The following COL6A6 variants were observed in gnomAD, a reference collection of about 807,000 sequenced individuals.
COL6A6 encodes the protein collagen type VI alpha 6 chain, also known as collagen alpha-6(VI) chain.
Under a neutral mutation model 208.6 loss-of-function variants are expected in COL6A6, and 183 were observed. The observed-to-expected ratio is 0.88, with a 90% CI of 0.78 to 0.99. The LOEUF (loss-of-function observed/expected upper bound fraction) is 0.99. Ranked by LOEUF, COL6A6 falls within the 50% of genes least tolerant of loss-of-function variation. COL6A6 has a pLI of 0.00. For missense variants in COL6A6, 2,816 were observed against 2,815.2 expected, an observed-to-expected ratio of 1.00 and a Z score of -0.01; for synonymous variants, 973 against 1,011.8, an observed-to-expected ratio of 0.96 and a Z score of 0.73.
In COL6A6 at chr3:130,592,711, A is replaced by G. The variant is rs748795435; in HGVS notation, c.4360A>G (p.Asn1454Asp). 6.2e-7 allele frequency: 1 copy of G among 1,612,348 alleles called. No homozygotes were observed. Among genetic ancestry groups the G allele is most frequent in the African/African-American group, 1.3e-5 (1 of 74,884 alleles). The change falls in exon 15 of 37, where the codon AAT becomes GAT. Residue 1454 changes from asparagine (N) to aspartate (D), a missense_variant. By Grantham distance (23) the Asn-to-Asp change is conservative (BLOSUM62 1). Transcript: ENST00000358511. ...TKGPKGNRGL[N>D]GQEGEVGENG... ...TTATTTTCAGGGAAACAGAGGACTA[A>G]ATGGACAGGAGGTATGTTACCAGGC...
intron 8 of COL6A6, among the ~76,000 whole-genome samples, chr3:130,576,649 T>G (rs973377772): frequency 8.4e-6 from 1 of 119,696 alleles, no homozygotes; most frequent in Admixed American, 1.0e-4. Flanking sequence ...AGTTATTTTT[T>G]AAATAGTCAT....
At chr3:130,665,165 CCTT>C in intron 36 of COL6A6, 69 bp downstream of exon 36, 1 of 1,022,584 alleles carries the variant, frequency 9.8e-7, no homozygotes, top group Non-Finnish European at 1.4e-6. Flanking sequence ...TCCTCCTCCT[CCTT>C]TTCTTGCTTT....
intron 20 of COL6A6, among the ~76,000 whole-genome samples, chr3:130,602,079 A>G (rs1263052718): frequency 6.6e-6 from 1 of 152,244 alleles, no homozygotes; most frequent in Non-Finnish European, 1.5e-5. Flanking sequence ...TTCCACTTTT[A>G]TTATGTACAA....
chr3:130,591,905 A>C (rs569512267), intron 13 of COL6A6, among the ~76,000 whole-genome samples: 15 of 152,206 alleles, frequency 9.9e-5, no homozygotes, highest in Non-Finnish European at 2.1e-4. Flanking sequence ...GAATTTCTAC[A>C]GGCAAAGTTT....
intron 1 of COL6A6, among the ~76,000 whole-genome samples, chr3:130,536,062 GA>G (rs1422993144): frequency 1.3e-5 from 2 of 152,150 alleles, no homozygotes; most frequent in Non-Finnish European, 2.9e-5. Context: ...CCAGGCCAGT[GA>G]GCCAAATTTT....
In COL6A6 at chr3:130,565,630, G is replaced by GA. The variant is rs1184162201; in HGVS notation, c.1282+19dup. On this transcript the variant is annotated intron_variant, in intron 4 of 36. Transcript: ENST00000358511. ...CTCAAATCTGGTAAGGTCTTCTGCT[G>GA]AAAGAAGGGTTGTTTGGATTCTTTT... The GA allele has an allele frequency of 6.3e-7, 1 of 1,591,732 alleles. No homozygotes were observed. Among genetic ancestry groups the GA allele is most frequent in the East Asian group, 2.2e-5 (1 of 44,578 alleles).
Position 130,676,808 on chromosome 3 carries a change from GAATA to G in COL6A6, c.*1414_*1417del, listed in dbSNP as rs2066369572. 6.6e-6 allele frequency: 1 copy of G among 152,210 alleles called. No individual in the cohort carries two copies. The highest frequency in any genetic ancestry group is 6.5e-5 in the Admixed American group (1 of 15,284). 9.4% of individuals were successfully genotyped at this position (152,210 alleles called of 1,614,324 possible). ...ACATTCATACTCAGGTAATAGAGAA[GAATA>G]AAACACATCAGGTTTGCTTCATCTA... On this transcript the variant is annotated 3_prime_UTR_variant, in exon 37 of 37. Transcript: ENST00000358511.
intron 1 of COL6A6, among the ~76,000 whole-genome samples, chr3:130,558,615 G>T (rs1005279062): frequency 1.3e-5 from 2 of 152,036 alleles, no homozygotes; most frequent in Non-Finnish European, 2.9e-5. Context: ...ACTCAATACC[G>T]ATTTCTTCCC....
At chr3:130,521,009 T>C (rs1711039333) in intron 1 of COL6A6, among the ~76,000 whole-genome samples, 1 of 152,162 alleles carries the variant, frequency 6.6e-6, no homozygotes, top group Non-Finnish European at 1.5e-5. Flanking sequence ...CAAACCAACT[T>C]AGTCTTGCAA....
At chr3:130,623,364 A>G (rs1440544242) in intron 24 of COL6A6, among the ~76,000 whole-genome samples, 1 of 152,152 alleles carries the variant, frequency 6.6e-6, no homozygotes, top group Non-Finnish European at 1.5e-5. Flanking sequence ...AGGCTAAGAC[A>G]GAGAGAATTG....
chr3:130,559,932 T>C (rs2062843644), intron 1 of COL6A6, among the ~76,000 whole-genome samples: 1 of 152,182 alleles, frequency 6.6e-6, no homozygotes, highest in African/African-American at 2.4e-5. Context: ...ACCTACATAT[T>C]CATGATGGCG....
chr3:130,570,508 T>A (rs2063136596), intron 6 of COL6A6, among the ~76,000 whole-genome samples: 1 of 152,214 alleles, frequency 6.6e-6, no homozygotes, highest in Non-Finnish European at 1.5e-5. Context: ...AGAATTGATT[T>A]TTTTAGTCCA....
chr3:130,662,394 TG>T, intron 35 of COL6A6, 86 bp downstream of exon 35: 1 of 1,303,882 alleles, frequency 7.7e-7, no homozygotes, highest in Non-Finnish European at 1.1e-6. Flanking sequence ...CATGGATACT[TG>T]GAAACCTCTT....
At chr3:130,669,176 C>T (rs1308544011) in intron 36 of COL6A6, among the ~76,000 whole-genome samples, 1 of 152,166 alleles carries the variant, frequency 6.6e-6, no homozygotes, top group African/African-American at 2.4e-5. Flanking sequence ...GGGTGAATCA[C>T]CTGAGGTCAG....
At chr3:130,552,444 T>G (rs898411927) in intron 1 of COL6A6, among the ~76,000 whole-genome samples, 17 of 152,230 alleles carry the variant, frequency 1.1e-4, no homozygotes, top group African/African-American at 3.9e-4. Flanking sequence ...TGTCTAAAAT[T>G]AGAATAGCAA....
At chr3:130,533,686 A>G (rs1192896566) in intron 1 of COL6A6, among the ~76,000 whole-genome samples, 4 of 152,046 alleles carry the variant, frequency 2.6e-5, no homozygotes, top group African/African-American at 9.7e-5. Flanking sequence ...TATTGTTCCA[A>G]GTTTTGTTTT....
intron 33 of COL6A6, among the ~76,000 whole-genome samples, chr3:130,656,488 G>C (rs561079209): frequency 4.1e-4 from 62 of 152,274 alleles, no homozygotes; most frequent in Middle Eastern, 6.8e-3. Flanking sequence ...GTCTGTCCGA[G>C]TCCAGGGTTT....
chr3:130,557,572 A>G (rs2062794597), intron 1 of COL6A6, among the ~76,000 whole-genome samples: 1 of 152,232 alleles, frequency 6.6e-6, no homozygotes, highest in Admixed American at 6.5e-5. Context: ...TTCTTACAGT[A>G]AAACAGTGAT....
At chr3:130,623,115 ACAGC>A (rs1165968077) in intron 24 of COL6A6, among the ~76,000 whole-genome samples, 1 of 152,180 alleles carries the variant, frequency 6.6e-6, no homozygotes, top group Non-Finnish European at 1.5e-5. Context: ...GTGGATGAAC[ACAGC>A]CAGACTTTTG....
Sources: gnomAD v4.1 joint callset for allele counts (sites outside exome capture counted in the v4.1 genomes callset) on GRCh38, gnomAD v4.1.1 for gene constraint, MANE v1.5 for transcripts, NCBI Gene and HGNC (gene_info 2026-07-23, HGNC 2026-07-21) for gene names.